Variants in PCDHGA3 observed in about 807,000 individuals in gnomAD.
The protein encoded by PCDHGA3 is protocadherin gamma-A3.
In PCDHGA3, 40 loss-of-function variants were observed where a neutral mutation model predicts 58.5. The ratio of observed to expected loss-of-function variants is 0.68; its 90% CI spans 0.53 to 0.89. PCDHGA3 has a LOEUF of 0.89. Among genes scored for constraint, PCDHGA3 ranks in the 40% least tolerant of loss-of-function variants. The pLI, the probability that PCDHGA3 is intolerant of heterozygous loss-of-function variation, is 0.00. For synonymous variants in PCDHGA3, 530 were observed against 525.7 expected (o/e 1.01, Z -0.11); for missense variants, 1,223 against 1,195.9 (o/e 1.02, Z -0.33).
At chr5:141,394,151 C>T in intron 1 of PCDHGA3, 2 of 1,613,900 alleles carry the variant, frequency 1.2e-6, no homozygotes, top group Non-Finnish European at 1.7e-6. Context: ...CAGACATTAA[C>T]GACAACCCTC....
At position 141,360,421 on chromosome 5, in the gene PCDHGA3, T is replaced by C. The variant is rs372376910; in HGVS notation, c.2424+13964T>C. ...TGACAGAATAGACCGAGAACAGATA[T>C]GCGGGAAGCAGCCTCTGTGTGTTCT... On this transcript the variant is annotated intron_variant, in intron 1 of 3. Transcript: ENST00000253812. 8.1e-5 allele frequency: 131 copies of C among 1,613,968 alleles called. No homozygotes were observed. In the African/African-American group the frequency reaches 1.1e-3, roughly 14 times the overall value.
chr5:141,374,169 C>A, intron 1 of PCDHGA3: 1 of 1,613,236 alleles, frequency 6.2e-7, no homozygotes, highest in African/African-American at 1.3e-5. Context: ...GCCGCGGCAG[C>A]GCAGATCCGC....
At chr5:141,389,562 G>C in intron 1 of PCDHGA3, 1 of 1,613,284 alleles carries the variant, frequency 6.2e-7, no homozygotes, top group Middle Eastern at 1.7e-4. Context: ...TGCGCCACGG[G>C]TGCTGTACCC....
intron 1 of PCDHGA3, chr5:141,398,169 G>T (rs2093619628): frequency 5.4e-6 from 8 of 1,477,440 alleles, no homozygotes; most frequent in Admixed American, 2.6e-5. Flanking sequence ...CTGAGAGGCT[G>T]CCAGTGCTCT....
intron 1 of PCDHGA3, among the ~76,000 whole-genome samples, chr5:141,439,537 C>T (rs1404605731): frequency 6.6e-6 from 1 of 152,206 alleles, no homozygotes; most frequent in African/African-American, 2.4e-5. Flanking sequence ...GAACGCTGTC[C>T]TCTCATTTCT....
chr5:141,451,528 G>C (rs1451101169), intron 1 of PCDHGA3, among the ~76,000 whole-genome samples: 8 of 152,210 alleles, frequency 5.3e-5, no homozygotes. Flanking sequence ...AAGTAAAGGA[G>C]AGTGCCAGAG....
chr5:141,399,738 G>C (rs1484510317), intron 1 of PCDHGA3: 2 of 1,613,268 alleles, frequency 1.2e-6, no homozygotes, highest in African/African-American at 1.3e-5. Flanking sequence ...GCTCGCCTGC[G>C]CTCAGCGCAA....
rs778770720 is a variant in PCDHGA3 at position 141,375,689 on chromosome 5, G to C, written c.2424+29232G>C. On this transcript the variant is annotated intron_variant, in intron 1 of 3. Coordinates refer to ENST00000253812, the MANE Select transcript of PCDHGA3 (RefSeq NM_018916.4). ...CCTACAGCTGTGGGTGACAGCCAGC[G>C]ACAGCGGGGACCCGCCTCTTAGCAG... 4 of 1,614,250 alleles carry C rather than the reference G, an allele frequency of 2.5e-6. No individual in the cohort carries two copies. In the Admixed American group the frequency reaches 6.7e-5, roughly 27 times the overall value.
intron 1 of PCDHGA3, chr5:141,362,448 C>G (rs1370790602): frequency 1.2e-6 from 2 of 1,613,916 alleles, no homozygotes; most frequent in Non-Finnish European, 1.7e-6. Context: ...TGAACATAAC[C>G]CCGGAATTGG....
At chr5:141,495,437 C>T (rs2099761356) in intron 2 of PCDHGA3, among the ~76,000 whole-genome samples, 1 of 152,178 alleles carries the variant, frequency 6.6e-6, no homozygotes, top group East Asian at 1.9e-4. Flanking sequence ...GTCCTCTGCC[C>T]CTACTTGTCC....
chr5:141,498,976 G>A (rs1311505059), intron 2 of PCDHGA3, among the ~76,000 whole-genome samples: 1 of 13,010 alleles, frequency 7.7e-5, no homozygotes, highest in Non-Finnish European at 2.3e-4. Context: ...AGGGAGGGAA[G>A]GAAGGAAGGA....
At chr5:141,417,872 T>G (rs2096175848) in intron 1 of PCDHGA3, 5 of 1,555,026 alleles carry the variant, frequency 3.2e-6, no homozygotes, top group African/African-American at 1.4e-5. Flanking sequence ...GGGAGGGAGC[T>G]GCGCGCAGAG....
intron 1 of PCDHGA3, among the ~76,000 whole-genome samples, chr5:141,454,607 T>C (rs1207742002): frequency 6.6e-6 from 1 of 151,574 alleles, no homozygotes; most frequent in Non-Finnish European, 1.5e-5. Flanking sequence ...GGTTTCTCCA[T>C]GTTGGTCAGG....
intron 1 of PCDHGA3, among the ~76,000 whole-genome samples, chr5:141,482,723 A>G (rs1441054551): frequency 2.3e-5 from 3 of 128,892 alleles, no homozygotes; most frequent in Non-Finnish European, 4.9e-5. Context: ...GGGAGGGGCC[A>G]TTGCAAGAAA....
In PCDHGA3 at chr5:141,431,304, T is replaced by G. The variant is rs749116196; in HGVS notation, c.2425-63503T>G. The G allele has an allele frequency of 7.4e-6, 12 of 1,614,104 alleles. No individual in the cohort carries two copies. Among genetic ancestry groups the G allele is most frequent in the Non-Finnish European group, 9.3e-6 (11 of 1,180,030 alleles). On this transcript the variant is annotated intron_variant, in intron 1 of 3. Coordinates refer to ENST00000253812, the MANE Select transcript of PCDHGA3 (RefSeq NM_018916.4). The surrounding 1 kb of genome is among the most constrained non-coding windows in gnomAD (Gnocchi z 4.8). ...CCGAACACTCACTTCTCCCTCATCGTGCAAAATGGAGCCGACGGTAGTAAG... is the reference window on the plus strand; with the variant it reads ...CCGAACACTCACTTCTCCCTCATCGGGCAAAATGGAGCCGACGGTAGTAAG...
chr5:141,355,062 GC>G, intron 1 of PCDHGA3: 1 of 1,307,734 alleles, frequency 7.6e-7, no homozygotes, highest in Non-Finnish European at 1.0e-6. Flanking sequence ...TGGCTCTGGA[GC>G]TTTATGAAAG....
chr5:141,349,875 G>T (rs919038227), intron 1 of PCDHGA3, among the ~76,000 whole-genome samples: 2 of 152,078 alleles, frequency 1.3e-5, no homozygotes, highest in Non-Finnish European at 2.9e-5. Context: ...AATGATGAAG[G>T]CCCTTATCTG....
chr5:141,351,737 G>A (rs759972486), intron 1 of PCDHGA3: 1 of 1,613,678 alleles, frequency 6.2e-7, no homozygotes, highest in East Asian at 2.2e-5. Context: ...CAGTGACCTG[G>A]AGCCGCGGGA....
At position 141,432,783 on chromosome 5, in the gene PCDHGA3, T is replaced by G; in HGVS notation, c.2425-62024T>G. The G allele has an allele frequency of 6.2e-7, 1 of 1,614,118 alleles. No individual in the cohort carries two copies. On this transcript the variant is annotated intron_variant, in intron 1 of 3. Transcript: ENST00000253812. The surrounding 1 kb of genome is among the most constrained non-coding windows in gnomAD (Gnocchi z 6.0). ...AGCATCCCCCAAGTCCTGGCGGACC[T>G]CGGCAGCCTCGAGTCTCCAGCTAAC...
Sources: allele counts gnomAD v4.1 joint callset (sites outside exome capture counted in the v4.1 genomes callset), GRCh38; gene constraint gnomAD v4.1.1; non-coding constraint Gnocchi (gnomAD v3.1); transcripts MANE v1.5; gene names NCBI Gene and HGNC (gene_info 2026-07-23, HGNC 2026-07-21).